LRRC4C: variants seen among roughly 807,000 people sequenced by gnomAD.
The protein encoded by LRRC4C is leucine-rich repeat-containing protein 4C.
A neutral mutation model predicts 33.6 loss-of-function variants in LRRC4C; 5 were observed. The ratio of observed to expected loss-of-function variants is 0.15; its 90% CI spans 0.08 to 0.31. The LOEUF (loss-of-function observed/expected upper bound fraction) is 0.31. LRRC4C is among the 10% of genes least tolerant of loss of function. The probability of loss-of-function intolerance (pLI) is 1.00; values close to 1 mark genes in which losing one functional copy is unlikely to be tolerated. For missense variants in LRRC4C, 560 were observed against 796.7 expected (o/e 0.70, Z 3.58); for synonymous variants, 329 against 302.0 (o/e 1.09, Z -0.93).
intron 2 of LRRC4C, among the ~76,000 whole-genome samples, chr11:40,656,055 C>G (rs778389426): frequency 7.9e-5 from 12 of 152,064 alleles, no homozygotes; most frequent in Admixed American, 1.3e-4. Flanking sequence ...GGTCCCTCCC[C>G]CAACATTGGG....
chr11:40,339,184 C>A (rs1042408532), intron 3 of LRRC4C, among the ~76,000 whole-genome samples: 2 of 152,274 alleles, frequency 1.3e-5, no homozygotes, highest in Non-Finnish European at 2.9e-5. Context: ...ATAGATACCA[C>A]CTTGCCATCA....
chr11:40,769,943 C>A (rs4132215), intron 2 of LRRC4C, among the ~76,000 whole-genome samples: 16,225 of 151,746 alleles, frequency 0.11, 1,250 homozygotes, highest in East Asian at 0.4. Flanking sequence ...AGTAATATAC[C>A]CCAAAAGCCT....
At chr11:41,268,685 T>C (rs1949228368) in intron 1 of LRRC4C, among the ~76,000 whole-genome samples, 1 of 152,126 alleles carries the variant, frequency 6.6e-6, no homozygotes, top group Non-Finnish European at 1.5e-5. Context: ...TTCCAATATA[T>C]ACCAACAAAT....
chr11:41,297,338 A>G (rs1644651507), intron 1 of LRRC4C, among the ~76,000 whole-genome samples: 1 of 152,136 alleles, frequency 6.6e-6, no homozygotes, highest in Non-Finnish European at 1.5e-5. Context: ...AAATTGGTCT[A>G]TGGTTTTGTT....
In LRRC4C at chr11:40,844,250, AT is replaced by A. The variant is rs1183779381; in HGVS notation, c.-407+89384del. 4.6e-5 allele frequency among the ~76,000 whole-genome samples: 7 copies of A among 151,862 alleles called. No individual in the cohort carries two copies. The East Asian group carries it at 9.7e-4, about 21-fold the overall frequency. On this transcript the variant is annotated intron_variant, in intron 2 of 6. Coordinates refer to ENST00000528697, the MANE Select transcript of LRRC4C (RefSeq NM_001258419.2). The stretch of plus-strand genomic sequence containing the variant: ...ACTTAAAGTATAATAAAAAAAAAAA[AT>A]ACAAAATAAAAAAAATACAGCGGTT...
intron 1 of LRRC4C, among the ~76,000 whole-genome samples, chr11:41,234,531 A>G (rs549684812): frequency 1.1e-4 from 17 of 152,070 alleles, no homozygotes; most frequent in Non-Finnish European, 2.2e-4. Context: ...CATGCTAGAT[A>G]GAATATTAAA....
At chr11:40,633,387 C>A (rs1565581156) in intron 3 of LRRC4C, among the ~76,000 whole-genome samples, 1 of 119,160 alleles carries the variant, frequency 8.4e-6, no homozygotes, top group Admixed American at 8.3e-5. Context: ...CTCTTTCTTT[C>A]TTTCTTTCTT....
intron 1 of LRRC4C, among the ~76,000 whole-genome samples, chr11:40,947,725 T>C (rs1047660693): frequency 1.3e-5 from 2 of 151,814 alleles, no homozygotes; most frequent in African/African-American, 2.4e-5. Flanking sequence ...CTCCCCTCAC[T>C]CTTTTCTCTC....
intron 1 of LRRC4C, among the ~76,000 whole-genome samples, chr11:41,266,313 C>T (rs1349779606): frequency 6.6e-6 from 1 of 152,078 alleles, no homozygotes; most frequent in Non-Finnish European, 1.5e-5. Flanking sequence ...TGCAGGACCT[C>T]ATTGCAAACC....
At chr11:41,305,922 A>T (rs1467815202) in intron 1 of LRRC4C, among the ~76,000 whole-genome samples, 2 of 141,152 alleles carry the variant, frequency 1.4e-5, no homozygotes, top group African/African-American at 2.6e-5. Flanking sequence ...TTAAAAAAAA[A>T]TAATAAAATA....
intron 1 of LRRC4C, among the ~76,000 whole-genome samples, chr11:41,014,272 T>A (rs1027685545): frequency 6.6e-6 from 1 of 152,018 alleles, no homozygotes; most frequent in Admixed American, 6.5e-5. Flanking sequence ...GGTACACATA[T>A]GAATACTGGG....
intron 3 of LRRC4C, among the ~76,000 whole-genome samples, chr11:40,402,729 T>C (rs1489780343): frequency 6.6e-6 from 1 of 152,096 alleles, no homozygotes; most frequent in Non-Finnish European, 1.5e-5. Flanking sequence ...AAGTAACCCT[T>C]TTTGAGAAAT....
intron 4 of LRRC4C, among the ~76,000 whole-genome samples, chr11:40,274,471 A>C: frequency 6.6e-6 from 1 of 151,282 alleles, no homozygotes; most frequent in Middle Eastern, 3.4e-3. Context: ...ACACACAGAA[A>C]CCACAATATG....
chr11:40,429,964 C>A (rs143942980), intron 3 of LRRC4C, among the ~76,000 whole-genome samples: 2 of 152,014 alleles, frequency 1.3e-5, no homozygotes, highest in Non-Finnish European at 1.5e-5. Context: ...AGTTTCAAAG[C>A]GCAGTTATTA....
At chr11:41,413,769 T>C (rs1954577917) in intron 1 of LRRC4C, among the ~76,000 whole-genome samples, 1 of 152,174 alleles carries the variant, frequency 6.6e-6, no homozygotes, top group Non-Finnish European at 1.5e-5. Flanking sequence ...AAAAATTGCG[T>C]GATGCTGGAG....
intron 2 of LRRC4C, among the ~76,000 whole-genome samples, chr11:40,810,066 C>T (rs772063960): frequency 5.9e-5 from 9 of 152,156 alleles, no homozygotes; most frequent in Admixed American, 1.3e-4. Context: ...TTATTACCTC[C>T]ATTCCCTGAC....
chr11:40,365,327 C>G (rs1948158463), intron 3 of LRRC4C, among the ~76,000 whole-genome samples: 1 of 152,048 alleles, frequency 6.6e-6, no homozygotes, highest in African/African-American at 2.4e-5. Flanking sequence ...TAGGAGGGTA[C>G]ACTAAAAATA....
intron 1 of LRRC4C, among the ~76,000 whole-genome samples, chr11:41,072,464 G>A (rs1319117717): frequency 6.6e-6 from 1 of 152,010 alleles, no homozygotes; most frequent in Non-Finnish European, 1.5e-5. Context: ...TCCTGTGACA[G>A]AGTTCTTATG....
intron 1 of LRRC4C, among the ~76,000 whole-genome samples, chr11:40,997,484 A>G (rs565913389): frequency 6.6e-6 from 1 of 152,252 alleles, no homozygotes; most frequent in African/African-American, 2.4e-5. Context: ...GAGCTCTTCC[A>G]GAGGATTAAT....
Sources: gnomAD v4.1 joint callset for allele counts (sites outside exome capture counted in the v4.1 genomes callset) on GRCh38, gnomAD v4.1.1 for gene constraint, MANE v1.5 for transcripts, NCBI Gene and HGNC (gene_info 2026-07-23, HGNC 2026-07-21) for gene names.